Variants in MMD2 observed in about 807,000 individuals in gnomAD.
The protein encoded by MMD2 is monocyte to macrophage differentiation associated 2.
A neutral mutation model predicts 33.5 loss-of-function variants in MMD2; 30 were observed. The observed-to-expected ratio is 0.90, with a 90% CI of 0.67 to 1.22. The LOEUF is 1.22. MMD2 is among the 50% of genes most tolerant of loss of function. MMD2 has a pLI of 0.00. For synonymous variants in MMD2, 129 were observed against 123.0 expected, an observed-to-expected ratio of 1.05 and a Z score of -0.32; for missense variants, 364 against 325.4, an observed-to-expected ratio of 1.12 and a Z score of -0.91.
At chr7:4,917,479 T>C (rs978671646) in intron 3 of MMD2, among the ~76,000 whole-genome samples, 3 of 152,088 alleles carry the variant, frequency 2.0e-5, no homozygotes, top group East Asian at 1.9e-4. Flanking sequence ...CTGGCTAACA[T>C]GGTGAAACCC....
the MMD2 span, among the ~76,000 whole-genome samples, chr7:4,892,325 C>T: frequency 2.0e-5 from 3 of 152,204 alleles, no homozygotes; most frequent in East Asian, 3.9e-4. Flanking sequence ...CGGTGGCTCA[C>T]GCCTGTAATC....
chr7:4,928,512 G>A (rs1203129951), intron 1 of MMD2, among the ~76,000 whole-genome samples: 4 of 151,750 alleles, frequency 2.6e-5, no homozygotes, highest in South Asian at 2.1e-4. Context: ...AGCACCTTCC[G>A]TATGCTGGCC....
At chr7:4,913,016 T>C (rs1312889921) in intron 4 of MMD2, among the ~76,000 whole-genome samples, 1 of 152,214 alleles carries the variant, frequency 6.6e-6, no homozygotes, top group Non-Finnish European at 1.5e-5. Flanking sequence ...AATGAATTTC[T>C]GAAATGAGAA....
chr7:4,907,373 C>T lies in MMD2; in HGVS notation c.*23G>A, dbSNP rs199975620. On this transcript the variant is annotated 3_prime_UTR_variant, in exon 7 of 7. Coordinates refer to ENST00000401401, the MANE Select transcript of MMD2 (RefSeq NM_198403.4). ...ACGTGCTCCACTCCTAAAGCCCAAACGACCTCTCAAGTCTGGGTCACCTCA... is the reference window on the plus strand; with the variant it reads ...ACGTGCTCCACTCCTAAAGCCCAAATGACCTCTCAAGTCTGGGTCACCTCA... The T allele has an allele frequency of 2.4e-5, 39 of 1,612,212 alleles. No individual in the cohort carries two copies. Among genetic ancestry groups the T allele is most frequent in the Middle Eastern group, 1.8e-4 (1 of 5,470 alleles).
chr7:4,941,179 T>C (rs1392044914), intron 1 of MMD2, among the ~76,000 whole-genome samples: 2 of 152,112 alleles, frequency 1.3e-5, no homozygotes, highest in African/African-American at 4.8e-5. Flanking sequence ...GCCCTAACCA[T>C]CAAGCCCTCC....
intron 4 of MMD2, among the ~76,000 whole-genome samples, chr7:4,914,132 C>T (rs1240884890): frequency 1.3e-5 from 2 of 152,176 alleles, no homozygotes; most frequent in African/African-American, 4.8e-5. Context: ...AGCACAGGCA[C>T]ATGCCATCAC....
At chr7:4,897,193 C>A in the MMD2 span, among the ~76,000 whole-genome samples, 1 of 134,576 alleles carries the variant, frequency 7.4e-6, no homozygotes, top group Non-Finnish European at 1.5e-5. Flanking sequence ...GAACAGAGAT[C>A]ACTTTTATAA....
At chr7:4,918,208 GT>G (rs1213409760) in intron 3 of MMD2, among the ~76,000 whole-genome samples, 1 of 152,124 alleles carries the variant, frequency 6.6e-6, no homozygotes, top group African/African-American at 2.4e-5. Context: ...CAGAGTAAGT[GT>G]TTCTTGTTAT....
chr7:4,908,828 T>C (rs564916280), intron 6 of MMD2, among the ~76,000 whole-genome samples: 1 of 148,976 alleles, frequency 6.7e-6, no homozygotes, highest in South Asian at 2.1e-4. Flanking sequence ...ACCTGGGAGT[T>C]GGAGGTTGCA....
intron 2 of MMD2, 81 bp downstream of exon 2, chr7:4,925,370 C>A (rs976058430): frequency 8.6e-7 from 1 of 1,160,188 alleles, no homozygotes; most frequent in African/African-American, 1.6e-5. Context: ...TTAGGACATA[C>A]GTGAAGGAGG....
chr7:4,955,471 G>A (rs770958456), intron 1 of MMD2, among the ~76,000 whole-genome samples: 2 of 152,026 alleles, frequency 1.3e-5, no homozygotes, highest in African/African-American at 4.8e-5. Context: ...ATACCAATAC[G>A]GTAGACACAA....
At chr7:4,956,663 A>G (rs912243445) in intron 1 of MMD2, among the ~76,000 whole-genome samples, 2 of 152,090 alleles carry the variant, frequency 1.3e-5, no homozygotes, top group Non-Finnish European at 2.9e-5. Flanking sequence ...CAAGTGTCCA[A>G]ATCTAGAGAC....
At chr7:4,909,300 A>G (rs1322507012) in intron 6 of MMD2, among the ~76,000 whole-genome samples, 1 of 151,980 alleles carries the variant, frequency 6.6e-6, no homozygotes, top group African/African-American at 2.4e-5. Flanking sequence ...TGGGCAACAT[A>G]GTGAGACCCC....
At chr7:4,953,306 G>C (rs989981736) in intron 1 of MMD2, among the ~76,000 whole-genome samples, 3 of 151,400 alleles carry the variant, frequency 2.0e-5, no homozygotes, top group African/African-American at 7.3e-5. Flanking sequence ...AGGTGCACTT[G>C]GCAGCTGGAA....
chr7:4,899,610 G>A, the MMD2 span, among the ~76,000 whole-genome samples: 1 of 152,178 alleles, frequency 6.6e-6, no homozygotes, highest in African/African-American at 2.4e-5. Flanking sequence ...TGGCCAGGCT[G>A]GTCTCGAACG....
downstream of MMD2, among the ~76,000 whole-genome samples, chr7:4,901,890 G>A (rs1021492348): frequency 4.6e-5 from 7 of 152,214 alleles, no homozygotes; most frequent in Admixed American, 1.3e-4. Context: ...ATTGGCCCTG[G>A]CATGAGTATT....
chr7:4,935,690 AAAAAAAACC>A (rs1317466003), intron 1 of MMD2, among the ~76,000 whole-genome samples: 4 of 150,578 alleles, frequency 2.7e-5, no homozygotes, highest in Non-Finnish European at 4.4e-5. Flanking sequence ...AAAAAAAAAA[AAAAAAAACC>A]AAAAAAATTG....
chr7:4,920,099 C>T, intron 3 of MMD2, 72 bp downstream of exon 3: 1 of 1,470,594 alleles, frequency 6.8e-7, no homozygotes, highest in South Asian at 1.2e-5. Context: ...TCCTGGTTCA[C>T]CCCCCGGGCT....
intron 1 of MMD2, among the ~76,000 whole-genome samples, chr7:4,937,874 C>T (rs569596175): frequency 1.2e-3 from 185 of 152,066 alleles, no homozygotes; most frequent in African/African-American, 4.3e-3. Context: ...GTCTCAAACT[C>T]CTGGCCTCAA....
Sources: allele counts gnomAD v4.1 joint callset (sites outside exome capture counted in the v4.1 genomes callset), GRCh38; gene constraint gnomAD v4.1.1; transcripts MANE v1.5; gene names NCBI Gene and HGNC (gene_info 2026-07-23, HGNC 2026-07-21).